The following CHD6 variants were observed in gnomAD, a reference collection of about 807,000 sequenced individuals.
The protein encoded by CHD6 is chromodomain helicase DNA binding protein 6, also known as ATP-dependent chromatin remodeler CHD6.
Under a neutral mutation model 276.9 loss-of-function variants are expected in CHD6, and 50 were observed. The ratio of observed to expected loss-of-function variants is 0.18; its 90% CI spans 0.14 to 0.23. CHD6 has a LOEUF of 0.23. Ranked by LOEUF, CHD6 falls within the 10% of genes least tolerant of loss-of-function variation. The pLI, the probability that CHD6 is intolerant of heterozygous loss-of-function variation, is 1.00. For missense variants in CHD6, 2,564 were observed against 3,365.8 expected (o/e 0.76, Z 5.89); for synonymous variants, 1,173 against 1,229.3 (o/e 0.95, Z 0.96).
At chr20:41,446,905 C>T (rs148375257) in intron 24 of CHD6, among the ~76,000 whole-genome samples, 7 of 152,300 alleles carry the variant, frequency 4.6e-5, no homozygotes, top group Middle Eastern at 3.4e-3. Flanking sequence ...CACATGACAG[C>T]GGTAAGTTCA....
rs2046952747 is a variant in CHD6, at chr20:41,415,101, CAAATT to C, written c.6939+80_6939+84del. On this transcript the variant is annotated intron_variant, in intron 34 of 36. Coordinates refer to ENST00000373233, the MANE Select transcript of CHD6 (RefSeq NM_032221.5). Reference sequence around the variant, plus strand: ...AACCGAAATAGAGATAAAAGATCCACAAATTATTTTGCGTCTGAGGAAGAAGGGTT... The same window carrying C: ...AACCGAAATAGAGATAAAAGATCCACATTTTGCGTCTGAGGAAGAAGGGTT... The C allele has an allele frequency of 6.0e-6, 9 of 1,500,832 alleles. No homozygotes were observed. The African/African-American group carries it at 1.1e-4, about 19-fold the overall frequency. 93.0% of individuals were successfully genotyped at this position (1,500,832 alleles called of 1,614,324 possible). A position where few individuals can be genotyped will look rare whatever the true frequency, so the allele number is the denominator to read the frequency against.
At chr20:41,528,260 C>G (rs1187699280) in intron 3 of CHD6, among the ~76,000 whole-genome samples, 1 of 152,022 alleles carries the variant, frequency 6.6e-6, no homozygotes, top group African/African-American at 2.4e-5. Context: ...TTTCATGACC[C>G]TACATGACCT....
At chr20:41,483,825 T>C (rs2043350690) in intron 15 of CHD6, among the ~76,000 whole-genome samples, 1 of 152,210 alleles carries the variant, frequency 6.6e-6, no homozygotes, top group Non-Finnish European at 1.5e-5. Flanking sequence ...AGGACTTTCA[T>C]ACCTCTTGAC....
chr20:41,516,313 C>T (rs780837801), intron 3 of CHD6, among the ~76,000 whole-genome samples: 38 of 152,090 alleles, frequency 2.5e-4, no homozygotes, highest in Non-Finnish European at 8.8e-5. Flanking sequence ...GTGTCCGTCA[C>T]CACGCATGGC....
rs1166649616 is a variant in CHD6, at chr20:41,431,693, A to G, written c.4069-5540T>C. Among the ~76,000 whole-genome samples, 4 of 152,074 alleles carry G rather than the reference A, an allele frequency of 2.6e-5. No individual in the cohort carries two copies. In the East Asian group the frequency reaches 5.8e-4, roughly 22 times the overall value. ...TCTGGATAGTAAATATGAAACAAGC[A>G]TAAGAAAACTCTGAAAGGTGAAAAA... On this transcript the variant is annotated intron_variant, in intron 27 of 36. Transcript: ENST00000373233.
At chr20:41,424,803 A>T (rs1205045744) in intron 29 of CHD6, among the ~76,000 whole-genome samples, 1 of 152,166 alleles carries the variant, frequency 6.6e-6, no homozygotes, top group Non-Finnish European at 1.5e-5. Context: ...ATAAGGATTT[A>T]GCTATAATAA....
intron 1 of CHD6, among the ~76,000 whole-genome samples, chr20:41,555,115 C>T (rs1406759559): frequency 2.2e-5 from 3 of 138,166 alleles, no homozygotes. Flanking sequence ...GGGCTGACCC[C>T]CCCACCTCCC....
Position 41,421,502 on chromosome 20 carries a change from C to G in CHD6, c.5133G>C (p.Lys1711Asn). 6.2e-7 allele frequency: 1 copy of G among 1,613,056 alleles called. No individual in the cohort carries two copies. The change falls in exon 31 of 37, where the codon AAG (lysine) becomes AAC (asparagine). Residue 1711 changes from lysine (K) to asparagine (N), a missense_variant. By Grantham distance (94) the Lys-to-Asn change is moderately conservative. This residue lies in a region of CHD6 where 1,024 missense variants were observed against 1,047.9 expected (regional missense o/e 0.98). Transcript: ENST00000373233. The stretch of plus-strand genomic sequence containing the variant: ...AAGAGCTTGGTTCTTGGCTGAGCAC[C>G]TTCTTACCATACATCATGCTCTCTA... ...ESLESMMYGK[K>N]VLSQEPSSFQ...
chr20:41,456,994 G>A (rs745708021), intron 18 of CHD6, among the ~76,000 whole-genome samples: 8 of 152,106 alleles, frequency 5.3e-5, no homozygotes, highest in Non-Finnish European at 8.8e-5. Flanking sequence ...GGCTTCTAAC[G>A]GGCACAGTTA....
At chr20:41,472,187 G>A (rs1175234348) in intron 17 of CHD6, among the ~76,000 whole-genome samples, 2 of 151,620 alleles carry the variant, frequency 1.3e-5, no homozygotes, top group African/African-American at 2.4e-5. Context: ...GTTGCAGTGA[G>A]CTGAGATTGC....
chr20:41,466,641 C>G (rs2042926869), intron 17 of CHD6, among the ~76,000 whole-genome samples: 3 of 152,152 alleles, frequency 2.0e-5, no homozygotes, highest in African/African-American at 7.2e-5. Context: ...CCCTTAAGTA[C>G]TGACCCTGAT....
At chr20:41,528,655 TA>T (rs990332653) in intron 3 of CHD6, among the ~76,000 whole-genome samples, 5 of 152,072 alleles carry the variant, frequency 3.3e-5, no homozygotes, top group East Asian at 3.9e-4. Flanking sequence ...ACCCCATCTC[TA>T]AAAAAAATAA....
At chr20:41,525,215 T>C (rs2044500413) in intron 3 of CHD6, among the ~76,000 whole-genome samples, 2 of 152,160 alleles carry the variant, frequency 1.3e-5, no homozygotes, top group Admixed American at 1.3e-4. Context: ...GCAGAGAAGT[T>C]AGTGCCCTGT....
chr20:41,423,827 TTA>T, intron 29 of CHD6, 127 bp from the exon 30 acceptor site: 2 of 690,618 alleles, frequency 2.9e-6, no homozygotes, highest in Middle Eastern at 4.1e-4. Context: ...TTTGTCTCTT[TTA>T]TTATTTTTAT....
intron 26 of CHD6, 79 bp downstream of exon 26, chr20:41,439,921 A>C: frequency 3.5e-6 from 5 of 1,432,710 alleles, no homozygotes; most frequent in Non-Finnish European, 4.9e-6. Context: ...AGAGATAAAG[A>C]GTGCTGGGTT....
chr20:41,608,215 T>C lies in CHD6; in HGVS notation c.-24+10125A>G, dbSNP rs538285458. Among the ~76,000 whole-genome samples the C allele has an allele frequency of 2.6e-5, 4 of 152,346 alleles. No individual in the cohort carries two copies. In the South Asian group the frequency reaches 8.3e-4, roughly 32 times the overall value. On this transcript the variant is annotated intron_variant, in intron 1 of 36. Transcript: ENST00000373233. ...AGCAAAGGTTAATTTACAAGCATTT[T>C]ACCGTGATAAAAGGGAGGGATATGC...
At chr20:41,587,588 T>C (rs149905276) in intron 1 of CHD6, among the ~76,000 whole-genome samples, 1 of 152,246 alleles carries the variant, frequency 6.6e-6, no homozygotes, top group East Asian at 1.9e-4. Flanking sequence ...CCTCAGAAAA[T>C]TAAAAGCTTG....
intron 2 of CHD6, among the ~76,000 whole-genome samples, chr20:41,542,190 T>C (rs2044955733): frequency 6.6e-6 from 1 of 152,234 alleles, no homozygotes; most frequent in South Asian, 2.1e-4. Flanking sequence ...ATACATCTTT[T>C]AGAATTATTT....
chr20:41,528,462 C>G (rs1389917917), intron 3 of CHD6, among the ~76,000 whole-genome samples: 1 of 152,164 alleles, frequency 6.6e-6, no homozygotes, highest in African/African-American at 2.4e-5. Flanking sequence ...ATGAGTTATA[C>G]CAAATGAAAT....
Sources: gnomAD v4.1 joint callset for allele counts (sites outside exome capture counted in the v4.1 genomes callset) on GRCh38, gnomAD v4.1.1 for gene constraint, gnomAD v4.1.1 regional missense constraint, MANE v1.5 for transcripts, NCBI Gene and HGNC (gene_info 2026-07-23, HGNC 2026-07-21) for gene names.